Variants in FAM120A observed in about 807,000 individuals in gnomAD.
FAM120A encodes the protein family with sequence similarity 120 member A.
FAM120A carries 15 observed loss-of-function variants against 109.7 expected under a neutral mutation model. That is an observed-to-expected ratio of 0.14 (90% CI 0.09 to 0.21). FAM120A has a LOEUF of 0.21. FAM120A is among the 10% of genes least tolerant of loss of function. The probability of loss-of-function intolerance (pLI) is 1.00; values close to 1 mark genes in which losing one functional copy is unlikely to be tolerated. For missense variants in FAM120A, 899 were observed against 1,439.3 expected (o/e 0.62, Z 6.07); for synonymous variants, 493 against 572.8 (o/e 0.86, Z 1.99).
intron 3 of FAM120A, among the ~76,000 whole-genome samples, chr9:93,482,500 G>T (rs960602783): frequency 6.6e-6 from 1 of 152,016 alleles, no homozygotes; most frequent in Non-Finnish European, 1.5e-5. Context: ...CATTCACCTC[G>T]AATTTTTCCC....
At chr9:93,468,915 C>T (rs1858183062) in intron 1 of FAM120A, among the ~76,000 whole-genome samples, 1 of 152,170 alleles carries the variant, frequency 6.6e-6, no homozygotes, top group Non-Finnish European at 1.5e-5. Context: ...TGAAAGCTGC[C>T]AGATTAGACC....
chr9:93,495,664 A>G (rs146756449), intron 3 of FAM120A, among the ~76,000 whole-genome samples: 1 of 152,326 alleles, frequency 6.6e-6, no homozygotes, highest in Non-Finnish European at 1.5e-5. Flanking sequence ...TGATCGCTTG[A>G]GTCTACAGCG....
intron 1 of FAM120A, among the ~76,000 whole-genome samples, chr9:93,455,723 C>G (rs374030509): frequency 6.6e-6 from 1 of 151,530 alleles, no homozygotes; most frequent in Non-Finnish European, 1.5e-5. Context: ...AGTGCAGTGG[C>G]GCGATCTCGG....
intron 8 of FAM120A, 64 bp from the exon 9 acceptor site, chr9:93,529,289 T>A: frequency 1.4e-6 from 2 of 1,419,196 alleles, no homozygotes; most frequent in South Asian, 2.8e-5. Flanking sequence ...GCACCTACCA[T>A]ACTTTAAATG....
chr9:93,528,840 G>A lies in FAM120A; in HGVS notation c.1507-513G>A, dbSNP rs79070405. On this transcript the variant is annotated intron_variant, in intron 8 of 17. Transcript: ENST00000277165. ...GTTTGTTCTTTAAGTACCAGCTGTG[G>A]CATGGAGTCAGCCCTGGATTAGAAT... Among the ~76,000 whole-genome samples the A allele has an allele frequency of 6.6e-3, 998 of 152,122 alleles. 14 individuals are homozygous for A. Among genetic ancestry groups the A allele is most frequent in the African/African-American group, 0.023 (964 of 41,414 alleles).
intron 5 of FAM120A, among the ~76,000 whole-genome samples, chr9:93,505,728 A>C (rs979428204): frequency 2.6e-5 from 4 of 152,210 alleles, no homozygotes; most frequent in Non-Finnish European, 5.9e-5. Flanking sequence ...GGCTTATTGT[A>C]CAGTTCCCTT....
At chr9:93,475,698 T>C (rs1244539500) in intron 2 of FAM120A, among the ~76,000 whole-genome samples, 5 of 152,196 alleles carry the variant, frequency 3.3e-5, no homozygotes, top group Admixed American at 6.5e-5. Flanking sequence ...TCATGAGTAT[T>C]ACTGTAGGAT....
At chr9:93,519,789 C>T (rs995980361) in intron 7 of FAM120A, among the ~76,000 whole-genome samples, 2 of 151,876 alleles carry the variant, frequency 1.3e-5, no homozygotes, top group Admixed American at 6.6e-5. Context: ...TAGTGATGGG[C>T]GATGGGGATT....
Position 93,452,445 on chromosome 9 carries a change from C to G in FAM120A, c.474+56C>G. 2.6e-6 allele frequency: 4 copies of G among 1,558,920 alleles called. No homozygotes were observed. The highest frequency in any genetic ancestry group is 2.6e-6 in the Non-Finnish European group (3 of 1,154,576). ...CCGGGGCCGCGCCGCACCCCTATCC[C>G]CCTTCCCAGGGCGCAGAATGTCGCC... On this transcript the variant is annotated intron_variant, in intron 1 of 17. Coordinates refer to ENST00000277165, the MANE Select transcript of FAM120A (RefSeq NM_014612.5). The surrounding 1 kb of genome is among the most constrained non-coding windows in gnomAD (Gnocchi z 7.0).
Position 93,500,223 on chromosome 9 carries a change from T to C in FAM120A, c.1030+1337T>C, listed in dbSNP as rs1320832596. 2.0e-5 allele frequency among the ~76,000 whole-genome samples: 3 copies of C among 152,248 alleles called. No individual in the cohort carries two copies. The highest frequency in any genetic ancestry group is 4.4e-5 in the Non-Finnish European group (3 of 68,038). On this transcript the variant is annotated intron_variant, in intron 5 of 17. Coordinates refer to ENST00000277165, the MANE Select transcript of FAM120A (RefSeq NM_014612.5). This position sits in a 1 kb window ranked among gnomAD's most constrained non-coding sequence, Gnocchi z 4.6. ...CCCATGCTCAGAATTCCCCATTGGC[T>C]TCCCGTCACACTTGGAATAAATTCC...
At chr9:93,510,334 A>G (rs1265708928) in intron 5 of FAM120A, among the ~76,000 whole-genome samples, 1 of 152,220 alleles carries the variant, frequency 6.6e-6, no homozygotes, top group Non-Finnish European at 1.5e-5. Context: ...TTTTGGAAGA[A>G]CCTACACCCT....
chr9:93,542,925 G>T (rs1372386496), intron 10 of FAM120A, among the ~76,000 whole-genome samples: 1 of 152,174 alleles, frequency 6.6e-6, no homozygotes, highest in Non-Finnish European at 1.5e-5. Context: ...AATGGATTTT[G>T]TCTAACATCT....
chr9:93,533,329 A>G lies in FAM120A; in HGVS notation c.1909+1000A>G, dbSNP rs114598191. 6.5e-3 allele frequency among the ~76,000 whole-genome samples: 994 copies of G among 152,296 alleles called. 14 individuals carry two copies. The highest frequency in any genetic ancestry group is 0.023 in the African/African-American group (960 of 41,578). ...ATTTCTGTTTGCAATTACTATGACAAACTTGCAATCTGTAAGGCTTTAAAG... is the reference window on the plus strand; with the variant it reads ...ATTTCTGTTTGCAATTACTATGACAGACTTGCAATCTGTAAGGCTTTAAAG... On this transcript the variant is annotated intron_variant, in intron 10 of 17. Transcript: ENST00000277165.
chr9:93,527,250 G>C lies in FAM120A; in HGVS notation c.1506+8G>C, dbSNP rs1253950027. 6.2e-7 allele frequency: 1 copy of C among 1,610,984 alleles called. No homozygotes were observed. The highest frequency in any genetic ancestry group is 8.5e-7 in the Non-Finnish European group (1 of 1,177,268). ...CCAGGAGACCAAACAAAGGTAGAAA[G>C]TCTATGCCTTTTAGTTTTTGAGTTC... On this transcript the variant is annotated splice_region_variant and intron_variant, in intron 8 of 17. Coordinates refer to ENST00000277165, the MANE Select transcript of FAM120A (RefSeq NM_014612.5).
intron 3 of FAM120A, among the ~76,000 whole-genome samples, 171 bp downstream of exon 3, chr9:93,476,509 A>G (rs543342047): frequency 2.6e-4 from 39 of 152,328 alleles, no homozygotes; most frequent in African/African-American, 8.7e-4. Flanking sequence ...CAATGCTACC[A>G]TCCCTTGTTC....
rs183274990 is a variant in FAM120A, at chr9:93,517,206, C to A, written c.1418+937C>A. On this transcript the variant is annotated intron_variant, in intron 7 of 17. Coordinates refer to ENST00000277165, the MANE Select transcript of FAM120A (RefSeq NM_014612.5). ...CTCTCTGCCATCCAGGGATGCATAC[C>A]CTGTTTATAGCAGAGAAGTATAACA... Among the ~76,000 whole-genome samples the A allele has an allele frequency of 8.0e-3, 1,220 of 152,282 alleles. 8 individuals are homozygous for A. Among genetic ancestry groups the A allele is most frequent in the Non-Finnish European group, 0.013 (854 of 68,030 alleles).
intron 12 of FAM120A, 129 bp downstream of exon 12, chr9:93,550,820 T>C: frequency 1.6e-6 from 1 of 630,420 alleles, no homozygotes; most frequent in Non-Finnish European, 2.8e-6. Context: ...AAACTAATAA[T>C]ACTAATATGA....
At chr9:93,474,581 A>G (rs1858465472) in intron 2 of FAM120A, among the ~76,000 whole-genome samples, 1 of 151,648 alleles carries the variant, frequency 6.6e-6, no homozygotes, top group South Asian at 2.1e-4. Flanking sequence ...AATTTCGGAC[A>G]CTTCGTTCTT....
chr9:93,495,301 T>C (rs933387436), intron 3 of FAM120A, among the ~76,000 whole-genome samples: 2 of 152,290 alleles, frequency 1.3e-5, no homozygotes, highest in African/African-American at 4.8e-5. Context: ...AGCTAAGATA[T>C]GTTAGCTAAT....
Sources: gnomAD v4.1 joint callset for allele counts (sites outside exome capture counted in the v4.1 genomes callset) on GRCh38, gnomAD v4.1.1 for gene constraint, Gnocchi (gnomAD v3.1) non-coding constraint, MANE v1.5 for transcripts, NCBI Gene and HGNC (gene_info 2026-07-23, HGNC 2026-07-21) for gene names.